JUP: variants seen among roughly 807,000 people sequenced by gnomAD.
JUP encodes junction plakoglobin.
In JUP, 28 loss-of-function variants were observed where a neutral mutation model predicts 71.1. The observed-to-expected ratio is 0.39, with a 90% CI of 0.29 to 0.54. The LOEUF is 0.54. Among genes scored for constraint, JUP ranks in the 20% least tolerant of loss-of-function variants. JUP has a pLI of 0.62. For missense variants in JUP, 869 were observed against 1,030.1 expected (o/e 0.84, Z 2.14); for synonymous variants, 401 against 438.9 (o/e 0.91, Z 1.08).
chr17:41,781,993 A>G (rs1441869026), intron 1 of JUP, among the ~76,000 whole-genome samples: 1 of 152,152 alleles, frequency 6.6e-6, no homozygotes, highest in Non-Finnish European at 1.5e-5. Context: ...CTCAAGTCCC[A>G]TTAGCCTTCT....
chr17:41,770,852 G>A lies in JUP; in HGVS notation c.208+795C>T, dbSNP rs542867971. 5.3e-5 allele frequency among the ~76,000 whole-genome samples: 8 copies of A among 152,284 alleles called. No individual in the cohort carries two copies. In the East Asian group the frequency reaches 5.8e-4, roughly 11 times the overall value. On this transcript the variant is annotated intron_variant, in intron 2 of 13. Transcript: ENST00000393931. ...GGCCTGGTCTCCCTCCAACCCCAAC[G>A]AGGGGCCCTCAGGCTTGACACCTAC...
In JUP at chr17:41,768,832, C is replaced by G. The variant is rs1462064675; in HGVS notation, c.707+137G>C. Reference sequence around the variant, plus strand: ...TGTTCCCTGCTGGGCTGTGAGCCACCGAGCACCCGGATGGGGTGTGCTTCT... The same window carrying G: ...TGTTCCCTGCTGGGCTGTGAGCCACGGAGCACCCGGATGGGGTGTGCTTCT... On this transcript the variant is annotated intron_variant, in intron 4 of 13. Transcript: ENST00000393931. 5 of 739,754 alleles carry G rather than the reference C, an allele frequency of 6.8e-6. 1 individual carries two copies. The East Asian group carries it at 8.1e-5, about 12-fold the overall frequency. The allele number at this position is 739,754 out of a possible 1,614,324, so 45.8% of individuals were successfully genotyped here.
intron 1 of JUP, chr17:41,776,107 C>G: frequency 5.0e-6 from 2 of 399,452 alleles, no homozygotes; most frequent in Non-Finnish European, 6.8e-6. Flanking sequence ...CCCCAGAGGC[C>G]GTGCTGGAAG....
In JUP at chr17:41,755,837, C is replaced by T. The variant is rs371395790; in HGVS notation, c.2145G>A (p.Glu715=). Residue 715 remains glutamate, a synonymous_variant, in exon 14 of 14, where the codon GAG becomes GAA. Coordinates refer to ENST00000393931, the MANE Select transcript of JUP (RefSeq NM_002230.4). ...AGTCTCCATCCATGTCCATGTGCAT[C>T]TCCAGCGGGTCAAGGGGCACATCGC... ...YSSDVPLDPL[E]MHMDMDGDYP... is the part of the protein sequence containing the mutation. 6.2e-7 allele frequency: 1 copy of T among 1,613,510 alleles called. No homozygotes were observed. Among genetic ancestry groups the T allele is most frequent in the Non-Finnish European group, 8.5e-7 (1 of 1,179,806 alleles).
chr17:41,763,776 C>T (rs1915265634), intron 7 of JUP, among the ~76,000 whole-genome samples: 1 of 152,206 alleles, frequency 6.6e-6, no homozygotes, highest in Non-Finnish European at 1.5e-5. Flanking sequence ...TCTGGGCCTT[C>T]ACTGCTGCCC....
chr17:41,758,971 C>T lies in JUP; in HGVS notation c.1498-101G>A. ...CCCTTCCCTCCTTCACCTCTTCTGTCCCCGAGGCCAGACACAGACATACTG... is the reference window on the plus strand; with the variant it reads ...CCCTTCCCTCCTTCACCTCTTCTGTTCCCGAGGCCAGACACAGACATACTG... On this transcript the variant is annotated intron_variant, in intron 8 of 13. Transcript: ENST00000393931. 6.4e-6 allele frequency: 8 copies of T among 1,254,360 alleles called. 1 individual carries two copies. Among genetic ancestry groups the T allele is most frequent in the Middle Eastern group, 3.8e-4 (2 of 5,204 alleles). The allele number at this position is 1,254,360 out of a possible 1,614,324, so 77.7% of individuals were successfully genotyped here.
Position 41,769,125 on chromosome 17 carries a change from T to A in JUP, c.551A>T (p.Gln184Leu). The change falls in exon 4 of 14, where the codon CAG becomes CTG. Residue 184 changes from glutamine (Q) to leucine (L), a missense_variant. Gln to Leu is a moderately radical substitution (Grantham distance 113). Transcript: ENST00000393931. ...ASRRALMGSP[Q>L]LVAAVVRTMQ... ...GGTACGCACGACAGCGGCCACCAGC[T>A]GGGGCGAGCCCATCAGGGCCCGCCG... The A allele has an allele frequency of 6.2e-7, 1 of 1,610,298 alleles. No homozygotes were observed. Among genetic ancestry groups the A allele is most frequent in the Non-Finnish European group, 8.5e-7 (1 of 1,179,844 alleles).
Position 41,761,798 on chromosome 17 carries a change from G to A in JUP, c.1497+1185C>T, listed in dbSNP as rs189033871. Among the ~76,000 whole-genome samples the A allele has an allele frequency of 4.9e-3, 749 of 151,384 alleles. 3 individuals are homozygous for A. The highest frequency in any genetic ancestry group is 0.011 in the African/African-American group (433 of 41,224). On this transcript the variant is annotated intron_variant, in intron 8 of 13. Transcript: ENST00000393931. ...AGAAATACAGAATTGTCCGGGCCTG[G>A]TGTCTCACACCTGTAATCCCCGTAC...
chr17:41,755,992 C>T, intron 13 of JUP, 97 bp from the exon 14 acceptor site: 3 of 1,440,210 alleles, frequency 2.1e-6, no homozygotes, highest in Non-Finnish European at 2.8e-6. Context: ...CCCATGCCCA[C>T]CCCTGGTGGG....
At position 41,765,034 on chromosome 17, in the gene JUP, G is replaced by C; in HGVS notation, c.943C>G (p.Leu315Val). 6.2e-7 allele frequency: 1 copy of C among 1,614,122 alleles called. No homozygotes were observed. Among genetic ancestry groups the C allele is most frequent in the Non-Finnish European group, 8.5e-7 (1 of 1,180,020 alleles). Residue 315 changes from leucine to valine, a missense_variant, in exon 6 of 14, where the codon CTC becomes GTC. Physicochemically the swap from Leu to Val is conservative, Grantham distance 32 (BLOSUM62 1). Coordinates refer to ENST00000393931, the MANE Select transcript of JUP (RefSeq NM_002230.4). ...IILANGGPQALVQIMRNYSYE... is the reference protein window; with the variant it reads ...IILANGGPQAVVQIMRNYSYE... ...CTGTAGTTACGCATGATCTGCACGAGGGCCTGGGGCCCACCATTGGCCAGG... is the reference window on the plus strand; with the variant it reads ...CTGTAGTTACGCATGATCTGCACGACGGCCTGGGGCCCACCATTGGCCAGG...
At chr17:41,784,791 C>T (rs1355633331) in intron 1 of JUP, among the ~76,000 whole-genome samples, 1 of 152,114 alleles carries the variant, frequency 6.6e-6, no homozygotes, top group Non-Finnish European at 1.5e-5. Context: ...CCCCTCCAAG[C>T]ACTCTCGATC....
In JUP at chr17:41,764,819, G is replaced by C. The variant is rs1597807473; in HGVS notation, c.1055-3C>G. ...CTTGCCCAGGGCCTGCATCCCACCT[G>C]GGGCAGGGATAGGGGTGCCATCAGC... On this transcript the variant is annotated splice_region_variant and splice_polypyrimidine_tract_variant and intron_variant, in intron 6 of 13. Transcript: ENST00000393931. The C allele has an allele frequency of 6.2e-7, 1 of 1,613,762 alleles. No homozygotes were observed. Among genetic ancestry groups the C allele is most frequent in the Non-Finnish European group, 8.5e-7 (1 of 1,179,872 alleles).
At chr17:41,760,784 C>G (rs1323695492) in intron 8 of JUP, among the ~76,000 whole-genome samples, 2 of 151,588 alleles carry the variant, frequency 1.3e-5, no homozygotes, top group Non-Finnish European at 1.5e-5. Context: ...TGGTCTCGAA[C>G]TCCTAACTTC....
intron 1 of JUP, among the ~76,000 whole-genome samples, chr17:41,776,867 G>C (rs1304266423): frequency 6.6e-6 from 1 of 152,040 alleles, no homozygotes; most frequent in South Asian, 2.1e-4. Context: ...TTAGCCAGGC[G>C]TGGTGGTGGG....
intron 1 of JUP, among the ~76,000 whole-genome samples, chr17:41,781,975 TTC>T (rs2047189952): frequency 6.6e-6 from 1 of 152,176 alleles, no homozygotes; most frequent in South Asian, 2.1e-4. Flanking sequence ...TTCTGTTTTC[TTC>T]TCTGTCTCAA....
At chr17:41,783,270 C>A (rs572125532) in intron 1 of JUP, among the ~76,000 whole-genome samples, 2 of 146,586 alleles carry the variant, frequency 1.4e-5, no homozygotes, top group Non-Finnish European at 3.0e-5. Context: ...CTGTAGAATG[C>A]GAATAATGAT....
rs1913447716 is a variant in JUP at position 41,754,997 on chromosome 17, C to T, written c.*747G>A. 2 of 287,564 alleles carry T rather than the reference C, an allele frequency of 7.0e-6. No individual in the cohort carries two copies. The highest frequency in any genetic ancestry group is 5.2e-5 in the Admixed American group (1 of 19,302). The allele number at this position is 287,564 out of a possible 1,614,324, so 17.8% of individuals were successfully genotyped here. A position where few individuals can be genotyped will look rare whatever the true frequency, so the allele number is the denominator to read the frequency against. On this transcript the variant is annotated 3_prime_UTR_variant, in exon 14 of 14. Transcript: ENST00000393931. The stretch of plus-strand genomic sequence containing the variant: ...TCCCCTGGACGGTCCCTGAACTTTT[C>T]AAGAGAAGTTTTGGATTTTGGGGGT...
At chr17:41,767,339 G>C in intron 5 of JUP, 40 bp downstream of exon 5, 1 of 1,564,844 alleles carries the variant, frequency 6.4e-7, no homozygotes, top group Non-Finnish European at 8.8e-7. Context: ...GATGGCGCAA[G>C]GGTGGGCTTC....
intron 13 of JUP, 127 bp downstream of exon 13, chr17:41,756,048 A>T: frequency 7.6e-7 from 1 of 1,315,554 alleles, no homozygotes; most frequent in Non-Finnish European, 1.1e-6. Flanking sequence ...AGACTGGGGT[A>T]CATGTGGATG....
Sources: allele counts gnomAD v4.1 joint callset (sites outside exome capture counted in the v4.1 genomes callset), GRCh38; gene constraint gnomAD v4.1.1; transcripts MANE v1.5; gene names NCBI Gene and HGNC (gene_info 2026-07-23, HGNC 2026-07-21).